AFAP1L1: variants seen among roughly 807,000 people sequenced by gnomAD.
AFAP1L1 encodes actin filament associated protein 1 like 1, also known as actin filament-associated protein 1-like 1.
Under a neutral mutation model 99.8 loss-of-function variants are expected in AFAP1L1, and 77 were observed. The ratio of observed to expected loss-of-function variants is 0.77; its 90% CI spans 0.64 to 0.93. AFAP1L1 has a LOEUF of 0.93. Ranked by LOEUF, AFAP1L1 falls within the 40% of genes least tolerant of loss-of-function variation. AFAP1L1 has a pLI of 0.00. For synonymous variants in AFAP1L1, 373 were observed against 395.3 expected, an observed-to-expected ratio of 0.94 and a Z score of 0.67; for missense variants, 893 against 996.8, an observed-to-expected ratio of 0.90 and a Z score of 1.40.
intron 7 of AFAP1L1, 116 bp downstream of exon 7, chr5:149,307,729 A>G (rs1756466416): frequency 3.8e-6 from 4 of 1,054,552 alleles, no homozygotes; most frequent in Non-Finnish European, 4.2e-6. Context: ...CTGTGTGCAC[A>G]GAAGCTCAAA....
chr5:149,312,453 C>T (rs1052426235), intron 9 of AFAP1L1: 2 of 544,668 alleles, frequency 3.7e-6, no homozygotes, highest in African/African-American at 1.9e-5. Context: ...CCTGCCAGGA[C>T]AGGAGGAGGT....
rs771248635 is a variant in AFAP1L1, at chr5:149,307,584, C to T, written c.718C>T (p.Leu240=). 22 of 1,612,728 alleles carry T rather than the reference C, an allele frequency of 1.4e-5. No individual in the cohort carries two copies. The highest frequency in any genetic ancestry group is 2.7e-5 in the African/African-American group (2 of 74,868). Residue 240 remains leucine (L), a synonymous_variant, in exon 7 of 19, where the codon CTG becomes TTG. Coordinates refer to ENST00000296721, the MANE Select transcript of AFAP1L1 (RefSeq NM_152406.4). ...KKRFGQWAKQ[L]TVIREDQLLC... is the part of the protein sequence containing the mutation. ...GCGTTTCGGGCAGTGGGCCAAGCAG[C>T]TGACGGTCATCAGGGAGGACCAGCT... is the stretch of plus-strand genomic sequence containing the variant.
chr5:149,297,424 C>T (rs1180701377), intron 1 of AFAP1L1, among the ~76,000 whole-genome samples: 1 of 152,024 alleles, frequency 6.6e-6, no homozygotes, highest in Non-Finnish European at 1.5e-5. Flanking sequence ...GCTGCCACAG[C>T]CTCAGCGTCA....
At chr5:149,300,756 C>A (rs1756177836) in intron 3 of AFAP1L1, among the ~76,000 whole-genome samples, 1 of 152,236 alleles carries the variant, frequency 6.6e-6, no homozygotes, top group African/African-American at 2.4e-5. Flanking sequence ...GCCGTCCTAG[C>A]CCTATCCTGA....
chr5:149,294,896 G>C (rs774672453), intron 1 of AFAP1L1, among the ~76,000 whole-genome samples: 12 of 152,182 alleles, frequency 7.9e-5, no homozygotes, highest in Non-Finnish European at 1.8e-4. Context: ...TCAGATGTGG[G>C]GTCAGACAGG....
chr5:149,301,961 C>T (rs914428049), intron 4 of AFAP1L1, among the ~76,000 whole-genome samples: 2 of 152,256 alleles, frequency 1.3e-5, no homozygotes, highest in Non-Finnish European at 2.9e-5. Flanking sequence ...TGTCCCACAA[C>T]TCACACGTGG....
chr5:149,319,812 T>C, intron 13 of AFAP1L1, 85 bp downstream of exon 13: 1 of 1,544,824 alleles, frequency 6.5e-7, no homozygotes, highest in Non-Finnish European at 8.7e-7. Flanking sequence ...CCCTGGGCAC[T>C]GGGAGGGAAG....
chr5:149,319,768 T>C (rs757281523), intron 13 of AFAP1L1, 41 bp downstream of exon 13: 1 of 1,603,718 alleles, frequency 6.2e-7, no homozygotes, highest in Non-Finnish European at 8.5e-7. Flanking sequence ...CCAGGACCTT[T>C]CCTGTCTCCA....
intron 7 of AFAP1L1, among the ~76,000 whole-genome samples, chr5:149,308,646 A>C (rs566365918): frequency 6.9e-4 from 105 of 152,304 alleles, no homozygotes; most frequent in African/African-American, 2.5e-3. Flanking sequence ...TTCTCACTCC[A>C]GGGCGGCACT....
At chr5:149,292,307 G>A (rs1755883973) in intron 1 of AFAP1L1, among the ~76,000 whole-genome samples, 1 of 152,214 alleles carries the variant, frequency 6.6e-6, no homozygotes, top group African/African-American at 2.4e-5. Flanking sequence ...GTCCTTTCTG[G>A]TTGTGATAAA....
chr5:149,289,162 G>A (rs990695412), intron 1 of AFAP1L1, among the ~76,000 whole-genome samples: 6 of 152,134 alleles, frequency 3.9e-5, no homozygotes, highest in African/African-American at 7.2e-5. Flanking sequence ...CCGAAATTAC[G>A]TACGGGCAAA....
At chr5:149,321,428 A>T (rs991247028) in intron 14 of AFAP1L1, among the ~76,000 whole-genome samples, 10 of 152,148 alleles carry the variant, frequency 6.6e-5, no homozygotes, top group Non-Finnish European at 1.2e-4. Context: ...TACTTTATGT[A>T]AAAAAGTTTA....
chr5:149,306,324 A>G lies in AFAP1L1; in HGVS notation c.455A>G (p.His152Arg), dbSNP rs772080451. 2.5e-6 allele frequency: 4 copies of G among 1,613,076 alleles called. No individual in the cohort carries two copies. The African/African-American group carries it at 5.3e-5, about 22-fold the overall frequency. The change falls in exon 6 of 19, where the codon CAC (histidine) becomes CGC (arginine). Residue 152 changes from histidine to arginine, a missense_variant. His to Arg is a conservative substitution (Grantham distance 29). Coordinates refer to ENST00000296721, the MANE Select transcript of AFAP1L1 (RefSeq NM_152406.4). ...ISSHNGCSPSHSIVDGYYEDA... is the reference protein window; with the variant it reads ...ISSHNGCSPSRSIVDGYYEDA... ...CCCACAGATGGCTGCAGCCCCTCAC[A>G]CTCGATTGTGGATGGCTACTATGAG...
In AFAP1L1 at chr5:149,343,380, C is replaced by T. The variant is rs1235387256; in HGVS notation, c.*3350C>T. On this transcript the variant is annotated 3_prime_UTR_variant, in exon 19 of 19. Transcript: ENST00000296721. ...GTAACTAAGCTGGCAACTCCAAGTGCCCTGGACCCCAGTCACCAATCCATC... is the reference window on the plus strand; with the variant it reads ...GTAACTAAGCTGGCAACTCCAAGTGTCCTGGACCCCAGTCACCAATCCATC... 6.6e-6 allele frequency among the ~76,000 whole-genome samples: 1 copy of T among 152,086 alleles called. No individual in the cohort carries two copies. Among genetic ancestry groups the T allele is most frequent in the Non-Finnish European group, 1.5e-5 (1 of 68,026 alleles).
intron 1 of AFAP1L1, among the ~76,000 whole-genome samples, chr5:149,286,282 T>G (rs1355703864): frequency 6.6e-6 from 1 of 152,096 alleles, no homozygotes; most frequent in African/African-American, 2.4e-5. Flanking sequence ...TTTGCAGATG[T>G]GGAAACAGAC....
chr5:149,299,730 C>A, intron 2 of AFAP1L1, 93 bp downstream of exon 2: 1 of 1,545,742 alleles, frequency 6.5e-7, no homozygotes, highest in South Asian at 1.2e-5. Flanking sequence ...GAACCCTCCG[C>A]CCCACCCCCA....
intron 8 of AFAP1L1, among the ~76,000 whole-genome samples, chr5:149,310,993 C>T (rs1023465386): frequency 1.3e-5 from 2 of 152,298 alleles, no homozygotes; most frequent in East Asian, 1.9e-4. Context: ...CTTGGCACAG[C>T]GCCTGCCAGG....
At chr5:149,329,964 T>A in intron 16 of AFAP1L1, 134 bp downstream of exon 16, 1 of 625,180 alleles carries the variant, frequency 1.6e-6, no homozygotes. Context: ...CTCCTCCTTC[T>A]CCTCCTCCTC....
chr5:149,319,547 G>A (rs1459070360), intron 12 of AFAP1L1, 35 bp from the exon 13 acceptor site: 1 of 1,566,918 alleles, frequency 6.4e-7, no homozygotes, highest in Admixed American at 1.8e-5. Flanking sequence ...CTGACAGTAG[G>A]AAAATGAACT....
Sources: allele counts gnomAD v4.1 joint callset (sites outside exome capture counted in the v4.1 genomes callset), GRCh38; gene constraint gnomAD v4.1.1; transcripts MANE v1.5; gene names NCBI Gene and HGNC (gene_info 2026-07-23, HGNC 2026-07-21).